Variants in COL5A1 observed in about 807,000 individuals in gnomAD.
COL5A1 encodes collagen type V alpha 1 chain.
In COL5A1, 16 loss-of-function variants were observed where a neutral mutation model predicts 263.7. That is an observed-to-expected ratio of 0.06 (90% CI 0.04 to 0.09). The LOEUF (loss-of-function observed/expected upper bound fraction) is 0.09. COL5A1 is among the 10% of genes least tolerant of loss of function. The probability of loss-of-function intolerance (pLI) is 1.00; values close to 1 mark genes in which losing one functional copy is unlikely to be tolerated. For missense variants in COL5A1, 2,036 were observed against 2,540.5 expected, an observed-to-expected ratio of 0.80 and a Z score of 4.27; for synonymous variants, 1,012 against 1,004.5, an observed-to-expected ratio of 1.01 and a Z score of -0.14.
Position 134,842,655 on chromosome 9 carries a change from G to C in COL5A1, c.*352G>C. On this transcript the variant is annotated 3_prime_UTR_variant, in exon 66 of 66. Transcript: ENST00000371817. The surrounding 1 kb of genome is among the most constrained non-coding windows in gnomAD (Gnocchi z 5.8). Reference sequence around the variant, plus strand: ...TGAATAGGTCTCAGGGGTTGGGGGAGGGACTGCCAGATTTGGACACTATAT... The same window carrying C: ...TGAATAGGTCTCAGGGGTTGGGGGACGGACTGCCAGATTTGGACACTATAT... The C allele has an allele frequency of 2.5e-6, 1 of 399,092 alleles. No individual in the cohort carries two copies. The highest frequency in any genetic ancestry group is 4.6e-6 in the Non-Finnish European group (1 of 218,394). The allele number at this position is 399,092 out of a possible 1,614,324, so 24.7% of individuals were successfully genotyped here.
At chr9:134,839,958 C>T (rs1588619844) in intron 65 of COL5A1, among the ~76,000 whole-genome samples, 1 of 152,226 alleles carries the variant, frequency 6.6e-6, no homozygotes, top group East Asian at 1.9e-4. Context: ...GAGCTGGCCA[C>T]AGGGTGCCGT....
chr9:134,825,737 C>T (rs1420549543), intron 62 of COL5A1, 55 bp from the exon 63 acceptor site: 11 of 1,205,000 alleles, frequency 9.1e-6, no homozygotes, highest in Non-Finnish European at 1.2e-5. Flanking sequence ...CCGGAACCAT[C>T]CAGGGAGCAA....
intron 64 of COL5A1, among the ~76,000 whole-genome samples, chr9:134,832,522 C>T (rs950597693): frequency 6.6e-6 from 1 of 152,238 alleles, no homozygotes; most frequent in Non-Finnish European, 1.5e-5. Context: ...AGCAGGGCCT[C>T]ACTGTGGGAC....
chr9:134,702,648 G>A (rs6537946), intron 4 of COL5A1, among the ~76,000 whole-genome samples: 40,329 of 152,196 alleles, frequency 0.26, 5,547 homozygotes, highest in African/African-American at 0.3. Flanking sequence ...GGGGCTTTGA[G>A]CGTGTGAGAA....
At chr9:134,711,335 C>T (rs10858275) in intron 4 of COL5A1, among the ~76,000 whole-genome samples, 33,061 of 151,972 alleles carry the variant, frequency 0.22, 4,071 homozygotes, top group Non-Finnish European at 0.29. Flanking sequence ...ATAGACCGTG[C>T]GCCTGGGGTG....
chr9:134,816,702 C>T (rs1838759197), intron 52 of COL5A1, among the ~76,000 whole-genome samples: 2 of 152,258 alleles, frequency 1.3e-5, no homozygotes, highest in Admixed American at 6.5e-5. Context: ...GTCCCCCCTT[C>T]TGTGAAAGGG....
chr9:134,725,049 C>T (rs1318266914), intron 4 of COL5A1, among the ~76,000 whole-genome samples: 1 of 152,348 alleles, frequency 6.6e-6, no homozygotes. Flanking sequence ...ACCCAGAGCA[C>T]TCAGCACCTG....
intron 2 of COL5A1, among the ~76,000 whole-genome samples, chr9:134,693,240 G>A (rs901215439): frequency 1.1e-4 from 17 of 151,824 alleles, no homozygotes; most frequent in Non-Finnish European, 5.9e-5. Context: ...CTAGGTGAGC[G>A]AGGTTACCGT....
intron 18 of COL5A1, among the ~76,000 whole-genome samples, chr9:134,760,183 ACACCCC>A (rs1836280909): frequency 9.4e-6 from 1 of 106,834 alleles, no homozygotes; most frequent in African/African-American, 4.3e-5. Flanking sequence ...ACACACACAT[ACACCCC>A]CACACCCCCA....
At chr9:134,790,605 C>T (rs138666153) in intron 32 of COL5A1, among the ~76,000 whole-genome samples, 105 of 84,540 alleles carry the variant, frequency 1.2e-3, no homozygotes, top group Middle Eastern at 0.015. Context: ...CATCCACCCA[C>T]CCATCCATCC....
rs1001134050 is a variant in COL5A1 at position 134,754,452 on chromosome 9, G to C, written c.1827+126G>C. ...GAAGCCAGGTGGCTCCCCTTCTTGT[G>C]ATGGGTGCGTCCATCCCCAAGGCTG... is the stretch of plus-strand genomic sequence containing the variant. On this transcript the variant is annotated intron_variant, in intron 16 of 65. Coordinates refer to ENST00000371817, the MANE Select transcript of COL5A1 (RefSeq NM_000093.5). The surrounding 1 kb of genome is among the most constrained non-coding windows in gnomAD (Gnocchi z 4.3). 6 of 1,076,866 alleles carry C rather than the reference G, an allele frequency of 5.6e-6. No individual in the cohort carries two copies. In the African/African-American group the frequency reaches 7.7e-5, roughly 14 times the overall value. The allele number at this position is 1,076,866 out of a possible 1,614,324, so 66.7% of individuals were successfully genotyped here. A position where few individuals can be genotyped will look rare whatever the true frequency, so the allele number is the denominator to read the frequency against.
At chr9:134,746,809 A>G (rs973493931) in intron 11 of COL5A1, among the ~76,000 whole-genome samples, 7 of 152,226 alleles carry the variant, frequency 4.6e-5, no homozygotes, top group Non-Finnish European at 8.8e-5. Flanking sequence ...TTATTTTGCC[A>G]TATTTTGCCT....
intron 20 of COL5A1, among the ~76,000 whole-genome samples, chr9:134,764,534 T>C (rs1045525906): frequency 5.3e-5 from 8 of 152,122 alleles, no homozygotes; most frequent in African/African-American, 1.9e-4. Context: ...AGCTCTTCCC[T>C]AAGCAGACAT....
chr9:134,689,599 T>C (rs1833200888), intron 1 of COL5A1, among the ~76,000 whole-genome samples: 2 of 152,228 alleles, frequency 1.3e-5, no homozygotes, highest in South Asian at 2.1e-4. Flanking sequence ...TCCAGGTTCC[T>C]GTTCTGTGTT....
In COL5A1 at chr9:134,812,591, C is replaced by T; in HGVS notation, c.3745-14C>T. 1 of 1,609,640 alleles carries T rather than the reference C, an allele frequency of 6.2e-7. No homozygotes were observed. Among genetic ancestry groups the T allele is most frequent in the Non-Finnish European group, 8.5e-7 (1 of 1,177,160 alleles). On this transcript the variant is annotated splice_polypyrimidine_tract_variant and intron_variant, in intron 47 of 65. Transcript: ENST00000371817. ...GCGTTTCCTCTGGGCTCAGTGGTCT[C>T]TCCCTTTTCCTAGGGCCCCCCGGGT...
At chr9:134,649,278 A>G (rs1831586533) in intron 1 of COL5A1, 2 of 338,978 alleles carry the variant, frequency 5.9e-6, no homozygotes, top group East Asian at 8.1e-5. Context: ...CTATCAGCAG[A>G]GGAGTTTTTC....
At chr9:134,654,566 T>A (rs1831856917) in intron 1 of COL5A1, among the ~76,000 whole-genome samples, 1 of 97,810 alleles carries the variant, frequency 1.0e-5, no homozygotes, top group Admixed American at 1.2e-4. Flanking sequence ...GGGCTGGGTG[T>A]GTGTAGGGCT....
intron 1 of COL5A1, among the ~76,000 whole-genome samples, chr9:134,670,601 C>T (rs1263688138): frequency 6.6e-6 from 1 of 152,158 alleles, no homozygotes; most frequent in African/African-American, 2.4e-5. Flanking sequence ...GCCCCCGGGT[C>T]GTTGTCTGGA....
chr9:134,772,698 C>T, intron 25 of COL5A1, 92 bp from the exon 26 acceptor site: 4 of 1,323,668 alleles, frequency 3.0e-6, no homozygotes, highest in Non-Finnish European at 4.4e-6. Context: ...GAAATGGGCT[C>T]CATGATCATG....
Sources: allele counts gnomAD v4.1 joint callset (sites outside exome capture counted in the v4.1 genomes callset), GRCh38; gene constraint gnomAD v4.1.1; non-coding constraint Gnocchi (gnomAD v3.1); transcripts MANE v1.5; gene names NCBI Gene and HGNC (gene_info 2026-07-23, HGNC 2026-07-21).